DCLRE1C: variants seen among roughly 807,000 people sequenced by gnomAD.
DCLRE1C encodes protein artemis.
In DCLRE1C, 47 loss-of-function variants were observed where a neutral mutation model predicts 61.4. That is an observed-to-expected ratio of 0.77 (90% CI 0.61 to 0.98). The LOEUF is 0.98. Ranked by LOEUF, DCLRE1C falls within the 50% of genes least tolerant of loss-of-function variation. DCLRE1C has a pLI of 0.00. For synonymous variants in DCLRE1C, 337 were observed against 287.6 expected (o/e 1.17, Z -1.74); for missense variants, 858 against 816.0 (o/e 1.05, Z -0.63).
intron 13 of DCLRE1C, among the ~76,000 whole-genome samples, chr10:14,912,367 C>G (rs1334811469): frequency 6.6e-6 from 1 of 152,104 alleles, no homozygotes; most frequent in African/African-American, 2.4e-5. Flanking sequence ...CCTGTTTAAG[C>G]TACCTAGTAT....
At position 14,909,017 on chromosome 10, in the gene DCLRE1C, T is replaced by C; in HGVS notation, c.1470A>G (p.Glu490=). The C allele has an allele frequency of 4.3e-6, 7 of 1,614,066 alleles. No individual in the cohort carries two copies. Among genetic ancestry groups the C allele is most frequent in the Non-Finnish European group, 5.1e-6 (6 of 1,179,952 alleles). ...TTTCATCATTTCTTTTAAAGAATAC[T>C]TCCCACTGGGGTACATCCCCATCAG... is the stretch of plus-strand genomic sequence containing the variant. The part of the protein sequence containing the change: ...QKADGDVPQW[E]VFFKRNDEIT... Residue 490 remains glutamate, a synonymous_variant, in exon 14 of 14, where the codon GAA becomes GAG. Transcript: ENST00000378278.
At chr10:14,921,568 TA>T (rs1837123777) in intron 12 of DCLRE1C, among the ~76,000 whole-genome samples, 1 of 152,198 alleles carries the variant, frequency 6.6e-6, no homozygotes, top group Non-Finnish European at 1.5e-5. Context: ...ATCTGGCTTG[TA>T]ACTCACAAGT....
downstream of DCLRE1C, among the ~76,000 whole-genome samples, chr10:14,901,688 G>A (rs533068654): frequency 1.3e-5 from 2 of 152,034 alleles, no homozygotes; most frequent in Admixed American, 6.5e-5. Flanking sequence ...AAAACTAGCC[G>A]GGCGTGGTGG....
Position 14,953,914 on chromosome 10 carries a change from G to A in DCLRE1C, c.97C>T (p.His33Tyr), listed in dbSNP as rs1842826599. 3.7e-6 allele frequency: 6 copies of A among 1,613,986 alleles called. No individual in the cohort carries two copies. Among genetic ancestry groups the A allele is most frequent in the Non-Finnish European group, 5.1e-6 (6 of 1,179,912 alleles). The change falls in exon 1 of 14, where the codon CAC becomes TAC. Residue 33 changes from histidine (H) to tyrosine (Y), a missense_variant. Physicochemically the swap from His to Tyr is moderately conservative, Grantham distance 83. Coordinates refer to ENST00000378278, the MANE Select transcript of DCLRE1C (RefSeq NM_001033855.3). ...NLRARAYFLSHCHKDHMKGLR... is the reference protein window; with the variant it reads ...NLRARAYFLSYCHKDHMKGLR... ...AGCCCTCACTCACCTTTGTGGCAGT[G>A]GGACAGGAAGTAGGCGCGGGCCCTC...
intron 12 of DCLRE1C, 42 bp from the exon 13 acceptor site, chr10:14,919,874 T>G: frequency 6.6e-7 from 1 of 1,508,614 alleles, no homozygotes. Context: ...TTTGAGGAAG[T>G]TGTTAGAAGG....
Position 14,923,035 on chromosome 10 carries a change from T to G in DCLRE1C, c.1007A>C (p.Asn336Thr), listed in dbSNP as rs1481503798. 2.5e-6 allele frequency: 4 copies of G among 1,614,018 alleles called. No homozygotes were observed. The highest frequency in any genetic ancestry group is 3.4e-6 in the Non-Finnish European group (4 of 1,179,972). The change falls in exon 12 of 14, where the codon AAC (asparagine) becomes ACC (threonine). Residue 336 changes from asparagine to threonine, a missense_variant. Physicochemically the swap from Asn to Thr is moderately conservative, Grantham distance 65. This residue lies in a region of DCLRE1C where 843 missense variants were observed against 783.5 expected (regional missense o/e 1.08). Coordinates refer to ENST00000378278, the MANE Select transcript of DCLRE1C (RefSeq NM_001033855.3). ...KDFLSYLCPV[N>T]AYPNVIPVGT... ...AACTGGAATGACATTTGGATATGCGTTCACAGGACAGAGGTAGCTCAAGAA... is the reference window on the plus strand; with the variant it reads ...AACTGGAATGACATTTGGATATGCGGTCACAGGACAGAGGTAGCTCAAGAA...
chr10:14,945,423 C>T (rs1841522395), intron 2 of DCLRE1C: 1 of 1,261,038 alleles, frequency 7.9e-7, no homozygotes, highest in Non-Finnish European at 1.0e-6. Context: ...GTTAGAGTCA[C>T]TCTCAACATA....
chr10:14,953,583 G>A (rs142177641), intron 1 of DCLRE1C, among the ~76,000 whole-genome samples: 2 of 152,164 alleles, frequency 1.3e-5, no homozygotes, highest in African/African-American at 2.4e-5. Context: ...ACATGGTAGC[G>A]AGGCTCTGAG....
At position 14,908,663 on chromosome 10, in the gene DCLRE1C, T is replaced by C. The variant is rs1477247145; in HGVS notation, c.1824A>G (p.Arg608=). The C allele has an allele frequency of 4.3e-6, 7 of 1,614,210 alleles. No homozygotes were observed. Among genetic ancestry groups the C allele is most frequent in the Non-Finnish European group, 5.9e-6 (7 of 1,180,040 alleles). The part of the protein sequence containing the change: ...PKDTYSDLKS[R]DKDVTIVPST... ...TAGGAACTATTGTCACATCTTTATC[T>C]CTGCTTTTCAAATCAGAGTAAGTAT... Residue 608 remains arginine (R), a synonymous_variant, in exon 14 of 14, where the codon AGA becomes AGG. Transcript: ENST00000378278.
intron 9 of DCLRE1C, among the ~76,000 whole-genome samples, chr10:14,932,499 T>C (rs1463228530): frequency 1.3e-5 from 2 of 152,076 alleles, no homozygotes; most frequent in South Asian, 4.2e-4. Context: ...TAGCCGTGCA[T>C]GGTGGCGGGC....
chr10:14,954,172 A>T, upstream of DCLRE1C: 1 of 1,270,772 alleles, frequency 7.9e-7, no homozygotes, highest in South Asian at 1.3e-5. Flanking sequence ...GGGCAAAGTC[A>T]AGGAGCATCC....
rs115066096 is a variant in DCLRE1C, at chr10:14,908,641, G to T, written c.1846C>A (p.Pro616Thr). Residue 616 changes from proline (P) to threonine (T), a missense_variant, in exon 14 of 14, where the codon CCT becomes ACT. Transcript: ENST00000378278. ...KSRDKDVTIVPSTGEPTTLSS... is the reference protein window; with the variant it reads ...KSRDKDVTIVTSTGEPTTLSS... ...AGAGTAGTTGGTTCTCCAGTACTAG[G>T]AACTATTGTCACATCTTTATCTCTG... is the stretch of plus-strand genomic sequence containing the variant. 13 of 1,614,134 alleles carry T rather than the reference G, an allele frequency of 8.1e-6. No homozygotes were observed. In the African/African-American group the frequency reaches 1.5e-4, roughly 18 times the overall value.
intron 9 of DCLRE1C, among the ~76,000 whole-genome samples, chr10:14,931,625 C>T (rs1453789168): frequency 1.3e-5 from 2 of 152,044 alleles, no homozygotes; most frequent in African/African-American, 4.8e-5. Flanking sequence ...ACACTGGAAA[C>T]ATCCATTAGA....
Position 14,905,240 on chromosome 10 carries a change from A to T in DCLRE1C, c.*3168T>A, listed in dbSNP as rs1834295153. The stretch of plus-strand genomic sequence containing the variant: ...GATACTACACTTGATCTTGGCCAAA[A>T]GGCCAAGGAGTGATGGTTCATGCAT... On this transcript the variant is annotated 3_prime_UTR_variant, in exon 14 of 14. Coordinates refer to ENST00000378278, the MANE Select transcript of DCLRE1C (RefSeq NM_001033855.3). Among the ~76,000 whole-genome samples the T allele has an allele frequency of 6.6e-6, 1 of 152,270 alleles. No homozygotes were observed. Among genetic ancestry groups the T allele is most frequent in the African/African-American group, 2.4e-5 (1 of 41,472 alleles).
rs982059089 is a variant in DCLRE1C at position 14,914,005 on chromosome 10, A to T, written c.1157-4675T>A. Among the ~76,000 whole-genome samples, 3 of 152,240 alleles carry T rather than the reference A, an allele frequency of 2.0e-5. No individual in the cohort carries two copies. In the East Asian group the frequency reaches 5.8e-4, roughly 29 times the overall value. On this transcript the variant is annotated intron_variant, in intron 13 of 13. Coordinates refer to ENST00000378278, the MANE Select transcript of DCLRE1C (RefSeq NM_001033855.3). ...CTGAAAGAAGGCCAAAAAAGAATAA[A>T]GAACAAATGGAACAAATAGCAAGAG...
At chr10:14,913,639 C>A (rs1203217926) in intron 13 of DCLRE1C, among the ~76,000 whole-genome samples, 2 of 151,996 alleles carry the variant, frequency 1.3e-5, no homozygotes, top group Admixed American at 1.3e-4. Flanking sequence ...GACCACAGAT[C>A]AAACATATTT....
Position 14,908,741 on chromosome 10 carries a change from G to C in DCLRE1C, c.1746C>G (p.Ile582Met). The C allele has an allele frequency of 1.2e-6, 2 of 1,614,208 alleles. No homozygotes were observed. Among genetic ancestry groups the C allele is most frequent in the East Asian group, 4.5e-5 (2 of 44,886 alleles). The change falls in exon 14 of 14, where the codon ATC (isoleucine) becomes ATG (methionine). Residue 582 changes from isoleucine (I) to methionine (M), a missense_variant. Physicochemically the swap from Ile to Met is conservative, Grantham distance 10. Around this residue, in one of 2 missense-constraint regions of DCLRE1C, gnomAD observed 843 missense variants for 783.5 expected, o/e 1.08. Coordinates refer to ENST00000378278, the MANE Select transcript of DCLRE1C (RefSeq NM_001033855.3). The stretch of plus-strand genomic sequence containing the variant: ...TGAGAGAGGCAGGAATATTCTCTTT[G>C]ATTGTTGGTCTGTAGTCAGCTTTGT... Reference protein sequence around the residue: ...SLDKADYRPTIKENIPASLME... With the variant: ...SLDKADYRPTMKENIPASLME...
chr10:14,913,269 T>C (rs927726480), intron 13 of DCLRE1C, among the ~76,000 whole-genome samples: 3 of 152,140 alleles, frequency 2.0e-5, no homozygotes, highest in African/African-American at 7.2e-5. Flanking sequence ...GAAATAGACA[T>C]AAAGTTTCTT....
At chr10:14,945,024 T>A in intron 3 of DCLRE1C, 81 bp downstream of exon 3, 1 of 1,072,192 alleles carries the variant, frequency 9.3e-7, no homozygotes, top group Non-Finnish European at 1.4e-6. Flanking sequence ...TGTTACAAAC[T>A]GAGGCAAAGT....
Sources: gnomAD v4.1 joint callset for allele counts (sites outside exome capture counted in the v4.1 genomes callset) on GRCh38, gnomAD v4.1.1 for gene constraint, gnomAD v4.1.1 regional missense constraint, MANE v1.5 for transcripts, NCBI Gene and HGNC (gene_info 2026-07-23, HGNC 2026-07-21) for gene names.